HADHA: variants seen among roughly 807,000 people sequenced by gnomAD.
HADHA encodes the protein hydroxyacyl-CoA dehydrogenase trifunctional multienzyme complex subunit alpha.
In HADHA, 59 loss-of-function variants were observed where a neutral mutation model predicts 91.3. The observed-to-expected ratio is 0.65, with a 90% CI of 0.52 to 0.80. HADHA has a LOEUF of 0.80. Ranked by LOEUF, HADHA falls within the 30% of genes least tolerant of loss-of-function variation. The pLI is 0.00. For synonymous variants in HADHA, 320 were observed against 338.9 expected, an observed-to-expected ratio of 0.94 and a Z score of 0.61; for missense variants, 800 against 927.6, an observed-to-expected ratio of 0.86 and a Z score of 1.79.
Position 26,198,428 on chromosome 2 carries a change from T to C in HADHA, c.1393-651A>G, listed in dbSNP as rs1370600038. ...TCTCGCTCTGTTGCCCAGGCTGGAGTGTAGTGGTGCAATCTAGGCTCGCTG... is the reference window on the plus strand; with the variant it reads ...TCTCGCTCTGTTGCCCAGGCTGGAGCGTAGTGGTGCAATCTAGGCTCGCTG... On this transcript the variant is annotated intron_variant, in intron 13 of 19. Coordinates refer to ENST00000380649, the MANE Select transcript of HADHA (RefSeq NM_000182.5). Among the ~76,000 whole-genome samples, 4 of 147,628 alleles carry C rather than the reference T, an allele frequency of 2.7e-5. No individual in the cohort carries two copies. The Admixed American group carries it at 2.8e-4, about 10-fold the overall frequency.
At chr2:26,230,397 C>A (rs913491294) in intron 6 of HADHA, 103 bp from the exon 7 acceptor site, 48 of 777,826 alleles carry the variant, frequency 6.2e-5, no homozygotes, top group East Asian at 2.1e-4. Context: ...TGAGAAAAGT[C>A]AAGCCATATG....
At chr2:26,208,700 C>T (rs1670024628) in intron 11 of HADHA, among the ~76,000 whole-genome samples, 1 of 152,096 alleles carries the variant, frequency 6.6e-6, no homozygotes, top group African/African-American at 2.4e-5. Flanking sequence ...GTTTAAGTGG[C>T]CATAATTTTC....
rs761544248 is a variant in HADHA at position 26,197,793 on chromosome 2, A to G, written c.1393-16T>C. 5.2e-5 allele frequency: 66 copies of G among 1,263,210 alleles called. No individual in the cohort carries two copies. The highest frequency in any genetic ancestry group is 3.2e-4 in the South Asian group (27 of 84,254). The allele number at this position is 1,263,210 out of a possible 1,614,324, so 78.3% of individuals were successfully genotyped here. On this transcript the variant is annotated splice_polypyrimidine_tract_variant and intron_variant, in intron 13 of 19. Coordinates refer to ENST00000380649, the MANE Select transcript of HADHA (RefSeq NM_000182.5). ...CTGGAATCACCTGCAGGGGAAAAGC[A>G]TTTAACAATGTGTCAGGTAGGCCTG...
At chr2:26,205,295 A>C (rs1669943393) in intron 11 of HADHA, among the ~76,000 whole-genome samples, 1 of 152,250 alleles carries the variant, frequency 6.6e-6, no homozygotes, top group African/African-American at 2.4e-5. Context: ...AATGAGGGAT[A>C]AAGTTTCATT....
At position 26,244,611 on chromosome 2, in the gene HADHA, G is replaced by A. The variant is rs1250026317; in HGVS notation, c.-15C>T. On this transcript the variant is annotated 5_prime_UTR_variant, in exon 1 of 20. Transcript: ENST00000380649. Reference sequence around the variant, plus strand: ...CAGGCCACCATCTTGAGCTGAAGAGGACAGCAGTGGAGAGCGCCTCTAACG... The same window carrying A: ...CAGGCCACCATCTTGAGCTGAAGAGAACAGCAGTGGAGAGCGCCTCTAACG... 2 of 1,569,352 alleles carry A rather than the reference G, an allele frequency of 1.3e-6. No individual in the cohort carries two copies. Among genetic ancestry groups the A allele is most frequent in the Admixed American group, 1.9e-5 (1 of 53,502 alleles).
rs1186278348 is a variant in HADHA at position 26,201,157 on chromosome 2, C to T, written c.1384G>A (p.Val462Ile). ...LSLKHRVLKE[V>I]EAVIPDHCIF... Reference sequence around the variant, plus strand: ...AACAGCCCCTTGCTTACCGCTTCTACTTCCTTTAGCACTCTGTGCTTAAGA... The same window carrying T: ...AACAGCCCCTTGCTTACCGCTTCTATTTCCTTTAGCACTCTGTGCTTAAGA... Residue 462 changes from valine (V) to isoleucine (I), a missense_variant, in exon 13 of 20, where the codon GTA becomes ATA. Physicochemically the swap from Val to Ile is conservative, Grantham distance 29. Transcript: ENST00000380649. 1.2e-6 allele frequency: 2 copies of T among 1,612,304 alleles called. No individual in the cohort carries two copies. Among genetic ancestry groups the T allele is most frequent in the Admixed American group, 1.7e-5 (1 of 60,030 alleles).
intron 11 of HADHA, among the ~76,000 whole-genome samples, chr2:26,206,901 C>T (rs560596062): frequency 2.9e-4 from 44 of 152,114 alleles, no homozygotes; most frequent in Non-Finnish European, 4.7e-4. Context: ...TATGTTAAAA[C>T]ATACCATAAG....
chr2:26,204,410 C>T (rs1669925127), intron 11 of HADHA, among the ~76,000 whole-genome samples: 1 of 152,180 alleles, frequency 6.6e-6, no homozygotes, highest in African/African-American at 2.4e-5. Flanking sequence ...AACTGGTCTA[C>T]CCAAGAAGAC....
chr2:26,205,587 G>T lies in HADHA; in HGVS notation c.1086-1391C>A, dbSNP rs183539096. Among the ~76,000 whole-genome samples, 32 of 152,288 alleles carry T rather than the reference G, an allele frequency of 2.1e-4. 1 individual carries two copies. The highest frequency in any genetic ancestry group is 2.1e-3 in the Admixed American group (32 of 15,294). On this transcript the variant is annotated intron_variant, in intron 11 of 19. Transcript: ENST00000380649. ...GTAATCCCAGCTCTTTCTTTGAGAG[G>T]CCAAGGCGGGCAGATCACAAGGTCA...
At position 26,216,997 on chromosome 2, in the gene HADHA, C is replaced by A. The variant is rs1427569757; in HGVS notation, c.677-1822G>T. 2.0e-5 allele frequency among the ~76,000 whole-genome samples: 3 copies of A among 152,064 alleles called. No homozygotes were observed. The East Asian group carries it at 5.8e-4, about 29-fold the overall frequency. ...GAAATGAAAAAAATGATAGAAGGAG[C>A]AGACGTGATGTTCAAGACTACTGTA... On this transcript the variant is annotated intron_variant, in intron 7 of 19. Coordinates refer to ENST00000380649, the MANE Select transcript of HADHA (RefSeq NM_000182.5).
At chr2:26,201,704 A>G (rs1375959074) in intron 12 of HADHA, among the ~76,000 whole-genome samples, 5 of 152,236 alleles carry the variant, frequency 3.3e-5, no homozygotes, top group Non-Finnish European at 7.3e-5. Flanking sequence ...ATGACAGGGG[A>G]AGCAGCCAAA....
chr2:26,238,914 C>A lies in HADHA; in HGVS notation c.180+20G>T. 1 of 1,533,196 alleles carries A rather than the reference C, an allele frequency of 6.5e-7. No homozygotes were observed. The highest frequency in any genetic ancestry group is 9.0e-7 in the Non-Finnish European group (1 of 1,107,916). 95.0% of individuals were successfully genotyped at this position (1,533,196 alleles called of 1,614,324 possible). ...TCATAATGCGGTTAGCAGAAAAAAA[C>A]TGCAAATTAAATGAGATACCTTTGA... is the stretch of plus-strand genomic sequence containing the variant. On this transcript the variant is annotated intron_variant, in intron 3 of 19. Coordinates refer to ENST00000380649, the MANE Select transcript of HADHA (RefSeq NM_000182.5).
At chr2:26,209,729 C>A (rs1670049316) in intron 11 of HADHA, 51 bp downstream of exon 11, 2 of 897,356 alleles carry the variant, frequency 2.2e-6, no homozygotes, top group Non-Finnish European at 3.8e-6. Context: ...CCTCTGTGAA[C>A]TTTGCACACA....
rs537498393 is a variant in HADHA, at chr2:26,209,145, C to T, written c.1085+635G>A. Reference sequence around the variant, plus strand: ...TCCACCCACAGATGCCAGTAGCATCCCTCCCTCCCTAGTTGTGACAACCAA... The same window carrying T: ...TCCACCCACAGATGCCAGTAGCATCTCTCCCTCCCTAGTTGTGACAACCAA... On this transcript the variant is annotated intron_variant, in intron 11 of 19. Coordinates refer to ENST00000380649, the MANE Select transcript of HADHA (RefSeq NM_000182.5). Among the ~76,000 whole-genome samples, 169 of 152,216 alleles carry T rather than the reference C, an allele frequency of 1.1e-3. 1 individual carries two copies. The highest frequency in any genetic ancestry group is 3.9e-3 in the African/African-American group (162 of 41,528).
At chr2:26,193,460 A>G (rs946692513) in intron 17 of HADHA, 117 bp downstream of exon 17, 7 of 885,212 alleles carry the variant, frequency 7.9e-6, no homozygotes, top group Non-Finnish European at 1.4e-5. Flanking sequence ...GCCAGTGATA[A>G]GGGCTCTGTG....
At chr2:26,191,440 C>T (rs1387910535) in intron 19 of HADHA, 43 bp downstream of exon 19, 2 of 1,614,160 alleles carry the variant, frequency 1.2e-6, no homozygotes, top group Non-Finnish European at 1.7e-6. Flanking sequence ...GCAACACGGG[C>T]TCCAGGCTAA....
In HADHA at chr2:26,218,972, A is replaced by G. The variant is rs568703300; in HGVS notation, c.677-3797T>C. 2.4e-4 allele frequency among the ~76,000 whole-genome samples: 30 copies of G among 126,926 alleles called. 1 individual carries two copies. In the South Asian group the frequency reaches 6.7e-3, roughly 29 times the overall value. 83.3% of individuals were successfully genotyped at this position (126,926 alleles called of 152,430 possible). ...CAGTGAGTCAAGATCACACCATTGC[A>G]CTCCAGCCTGGGCAACAGAGCAAGA... is the stretch of plus-strand genomic sequence containing the variant. On this transcript the variant is annotated intron_variant, in intron 7 of 19. Coordinates refer to ENST00000380649, the MANE Select transcript of HADHA (RefSeq NM_000182.5).
intron 7 of HADHA, among the ~76,000 whole-genome samples, chr2:26,215,639 A>G (rs1252571830): frequency 6.6e-5 from 10 of 152,182 alleles, no homozygotes; most frequent in Non-Finnish European, 1.0e-4. Context: ...CTTTTCAGGG[A>G]TGTGTAATGC....
intron 11 of HADHA, among the ~76,000 whole-genome samples, chr2:26,207,179 C>A (rs1442614699): frequency 6.6e-6 from 1 of 151,988 alleles, no homozygotes; most frequent in Non-Finnish European, 1.5e-5. Flanking sequence ...GCCGGGGTGA[C>A]AGAATGAGAC....
Sources: gnomAD v4.1 joint callset for allele counts (sites outside exome capture counted in the v4.1 genomes callset) on GRCh38, gnomAD v4.1.1 for gene constraint, MANE v1.5 for transcripts, NCBI Gene and HGNC (gene_info 2026-07-23, HGNC 2026-07-21) for gene names.